Variants in DLGAP2 observed in about 807,000 individuals in gnomAD.
DLGAP2 encodes DLG associated protein 2.
Under a neutral mutation model 100.3 loss-of-function variants are expected in DLGAP2, and 26 were observed. That is an observed-to-expected ratio of 0.26 (90% CI 0.19 to 0.36). DLGAP2 has a LOEUF of 0.36. DLGAP2 is among the 10% of genes least tolerant of loss of function. The probability of loss-of-function intolerance (pLI) is 1.00; values close to 1 mark genes in which losing one functional copy is unlikely to be tolerated. For synonymous variants in DLGAP2, 886 were observed against 630.1 expected, an observed-to-expected ratio of 1.41 and a Z score of -6.08; for missense variants, 1,858 against 1,453.2, an observed-to-expected ratio of 1.28 and a Z score of -4.53.
intron 2 of DLGAP2, among the ~76,000 whole-genome samples, chr8:1,221,259 A>T (rs1022367821): frequency 6.6e-6 from 1 of 152,216 alleles, no homozygotes; most frequent in East Asian, 1.9e-4. Context: ...CATGTCTACC[A>T]GTCCCTTTAG....
chr8:1,033,813 C>T (rs34538560), intron 2 of DLGAP2, among the ~76,000 whole-genome samples: 34 of 134,982 alleles, frequency 2.5e-4, no homozygotes, highest in African/African-American at 3.4e-4. Flanking sequence ...CGTGTCACCG[C>T]GAGTGGATTC....
intron 2 of DLGAP2, among the ~76,000 whole-genome samples, chr8:933,482 C>T (rs537809525): frequency 7.0e-6 from 1 of 142,048 alleles, no homozygotes; most frequent in East Asian, 2.1e-4. Context: ...GTGGAGACAC[C>T]TGGCTGTGGG....
At position 749,182 on chromosome 8, in the gene DLGAP2, G is replaced by A. The variant is rs1170466579; in HGVS notation, c.18+11357G>A. ...CTTTTAATATTTTCAGTAAAGCTGGGGTTTGGCTATATTGCCCAGTCTGGT... is the reference window on the plus strand; with the variant it reads ...CTTTTAATATTTTCAGTAAAGCTGGAGTTTGGCTATATTGCCCAGTCTGGT... On this transcript the variant is annotated intron_variant, in intron 1 of 14. Coordinates refer to ENST00000637795, the MANE Select transcript of DLGAP2 (RefSeq NM_001346810.2). Among the ~76,000 whole-genome samples the A allele has an allele frequency of 3.9e-5, 6 of 152,230 alleles. No individual in the cohort carries two copies. The East Asian group carries it at 1.2e-3, about 29-fold the overall frequency.
chr8:942,196 A>G (rs1799213525), intron 2 of DLGAP2, among the ~76,000 whole-genome samples: 2 of 152,076 alleles, frequency 1.3e-5, no homozygotes, highest in Admixed American at 1.3e-4. Flanking sequence ...TGATCCTCCT[A>G]TTTCAGCCTT....
chr8:1,573,345 G>C (rs1176357972), intron 6 of DLGAP2, among the ~76,000 whole-genome samples: 1 of 135,970 alleles, frequency 7.4e-6, no homozygotes, highest in Non-Finnish European at 1.6e-5. Flanking sequence ...AGATGGAGGG[G>C]AGAGAGGGGT....
At chr8:808,368 C>G (rs1444974542) in intron 1 of DLGAP2, among the ~76,000 whole-genome samples, 1 of 152,120 alleles carries the variant, frequency 6.6e-6, no homozygotes, top group African/African-American at 2.4e-5. Flanking sequence ...GTGTGGGGCC[C>G]TTATTTCCTT....
At chr8:930,182 C>T (rs968312384) in intron 2 of DLGAP2, among the ~76,000 whole-genome samples, 1 of 152,284 alleles carries the variant, frequency 6.6e-6, no homozygotes, top group South Asian at 2.1e-4. Context: ...CACTGTAGAA[C>T]CCAGGGCTAC....
chr8:1,107,470 G>C (rs528504996), intron 2 of DLGAP2, among the ~76,000 whole-genome samples: 16 of 152,226 alleles, frequency 1.1e-4, no homozygotes, highest in African/African-American at 3.4e-4. Flanking sequence ...TGTCCTGTGT[G>C]GGTCTCATTT....
intron 1 of DLGAP2, among the ~76,000 whole-genome samples, chr8:870,521 C>T (rs549562876): frequency 1.2e-4 from 18 of 152,258 alleles, no homozygotes; most frequent in Middle Eastern, 3.4e-3. Context: ...CGTCTGTCTC[C>T]TCTCACTTCC....
Position 1,352,160 on chromosome 8 carries a change from TGCGGGTCCTGAGTGTGTGTGGATAG to T in DLGAP2, c.106+93280_106+93304del, listed in dbSNP as rs1280154038. 8.5e-4 allele frequency among the ~76,000 whole-genome samples: 88 copies of T among 104,016 alleles called. 6 individuals are homozygous for T. The highest frequency in any genetic ancestry group is 1.6e-3 in the South Asian group (4 of 2,474). 68.2% of individuals were successfully genotyped at this position (104,016 alleles called of 152,430 possible). A position where few individuals can be genotyped will look rare whatever the true frequency, so the allele number is the denominator to read the frequency against. ...GTCCTGACTGTGTGTGGAAAGGCCGTGCGGGTCCTGAGTGTGTGTGGATAGGCTGTGCGGGTCCTGACTGTGTGTG... is the reference window on the plus strand; with the variant it reads ...GTCCTGACTGTGTGTGGAAAGGCCGTGCTGTGCGGGTCCTGACTGTGTGTG... On this transcript the variant is annotated intron_variant, in intron 3 of 14. Coordinates refer to ENST00000637795, the MANE Select transcript of DLGAP2 (RefSeq NM_001346810.2).
At chr8:1,325,433 T>C (rs1024033989) in intron 3 of DLGAP2, among the ~76,000 whole-genome samples, 1 of 152,246 alleles carries the variant, frequency 6.6e-6, no homozygotes, top group Admixed American at 6.5e-5. Flanking sequence ...GCCCGGCTGC[T>C]GTAGCGCGTT....
intron 1 of DLGAP2, among the ~76,000 whole-genome samples, chr8:748,102 G>C (rs549542756): frequency 2.1e-5 from 1 of 47,204 alleles, no homozygotes; most frequent in African/African-American, 6.5e-5. Context: ...GGATGGGCGG[G>C]TCTGCGGTGG....
Position 1,565,772 on chromosome 8 carries a change from A to G in DLGAP2, c.1320A>G (p.Lys440=). The G allele has an allele frequency of 6.2e-7, 1 of 1,613,964 alleles. No individual in the cohort carries two copies. Among genetic ancestry groups the G allele is most frequent in the Non-Finnish European group, 8.5e-7 (1 of 1,179,870 alleles). ...GAATGAGAAGTGGGAGTTACATTAA[A>G]GCCATGGGGGACGAGGAGAGCGGAG... ...CRRMRSGSYI[K]AMGDEESGES... is the part of the protein sequence containing the mutation. The change falls in exon 6 of 15, where the codon AAA becomes AAG. Residue 440 remains lysine, a synonymous_variant. Transcript: ENST00000637795.
At position 1,549,504 on chromosome 8, in the gene DLGAP2, T is replaced by C. The variant is rs892725112; in HGVS notation, c.1051T>C (p.Cys351Arg). 4.3e-6 allele frequency: 7 copies of C among 1,613,462 alleles called. No homozygotes were observed. The highest frequency in any genetic ancestry group is 5.9e-6 in the Non-Finnish European group (7 of 1,179,830). Residue 351 changes from cysteine (C) to arginine (R), a missense_variant, in exon 5 of 15, where the codon TGC (cysteine) becomes CGC (arginine). Coordinates refer to ENST00000637795, the MANE Select transcript of DLGAP2 (RefSeq NM_001346810.2). ...CTCCAAGAGCAACAACGACGTCAAG[T>C]GCTCGGCCTGTGAGGGGTTGGCGCT... ...KTSKSNNDVKCSACEGLALTP... is the reference protein window; with the variant it reads ...KTSKSNNDVKRSACEGLALTP...
At chr8:1,609,769 C>A (rs1796934416) in intron 6 of DLGAP2, among the ~76,000 whole-genome samples, 1 of 135,680 alleles carries the variant, frequency 7.4e-6, no homozygotes, top group East Asian at 2.3e-4. Flanking sequence ...TTTAAACCAA[C>A]AAAGATCAAA....
chr8:1,157,915 T>C (rs1413516881), intron 2 of DLGAP2, among the ~76,000 whole-genome samples: 1 of 152,214 alleles, frequency 6.6e-6, no homozygotes, highest in Admixed American at 6.5e-5. Flanking sequence ...GCACCTTGTG[T>C]ACGTCAACAG....
intron 3 of DLGAP2, among the ~76,000 whole-genome samples, chr8:1,479,790 G>T (rs954431760): frequency 6.6e-6 from 1 of 152,180 alleles, no homozygotes; most frequent in Non-Finnish European, 1.5e-5. Context: ...AATTTTTGGT[G>T]TCTCTGCGTT....
Position 1,560,120 on chromosome 8 carries a change from C to G in DLGAP2, c.1231-5563C>G, listed in dbSNP as rs139692980. ...AAAAGTCATATAGGGTTCATGTAGA[C>G]AATTTAAAAATATAAAGAAAAGTCA... On this transcript the variant is annotated intron_variant, in intron 5 of 14. Transcript: ENST00000637795. Among the ~76,000 whole-genome samples the G allele has an allele frequency of 2.5e-3, 383 of 152,304 alleles. 1 individual carries two copies. The highest frequency in any genetic ancestry group is 0.01 in the Middle Eastern group (3 of 292).
chr8:805,349 T>G (rs990441365), intron 1 of DLGAP2, among the ~76,000 whole-genome samples: 2 of 152,176 alleles, frequency 1.3e-5, no homozygotes, highest in Non-Finnish European at 2.9e-5. Flanking sequence ...GCCAGCACAG[T>G]TGCTCAGTGT....
Sources: allele counts gnomAD v4.1 joint callset (sites outside exome capture counted in the v4.1 genomes callset), GRCh38; gene constraint gnomAD v4.1.1; transcripts MANE v1.5; gene names NCBI Gene and HGNC (gene_info 2026-07-23, HGNC 2026-07-21).